Variants in CSMD1 observed in about 807,000 individuals in gnomAD.
CSMD1 encodes CUB and Sushi multiple domains 1, also known as CUB and sushi domain-containing protein 1.
A neutral mutation model predicts 417.5 loss-of-function variants in CSMD1; 213 were observed. The ratio of observed to expected loss-of-function variants is 0.51; its 90% CI spans 0.46 to 0.57. The LOEUF is 0.57. Among genes scored for constraint, CSMD1 ranks in the 20% least tolerant of loss-of-function variants. The pLI, the probability that CSMD1 is intolerant of heterozygous loss-of-function variation, is 0.00. For synonymous variants in CSMD1, 2,862 were observed against 1,736.8 expected (o/e 1.65, Z -16.11); for missense variants, 6,923 against 4,529.7 (o/e 1.53, Z -15.17).
intron 2 of CSMD1, among the ~76,000 whole-genome samples, chr8:4,486,392 A>G (rs1276797701): frequency 6.6e-6 from 1 of 150,582 alleles, no homozygotes; most frequent in Admixed American, 6.6e-5. Flanking sequence ...TCTCATTTTT[A>G]CTTCCAGGAA....
chr8:4,095,557 G>C (rs1277184459), intron 3 of CSMD1, among the ~76,000 whole-genome samples: 1 of 152,138 alleles, frequency 6.6e-6, no homozygotes, highest in Non-Finnish European at 1.5e-5. Context: ...TAAGGAACTG[G>C]GAATAAATGT....
rs141313885 is a variant in CSMD1 at position 4,475,588 on chromosome 8, T to C, written c.303-55523A>G. Among the ~76,000 whole-genome samples the C allele has an allele frequency of 7.2e-5, 11 of 152,188 alleles. No homozygotes were observed. The East Asian group carries it at 2.1e-3, about 29-fold the overall frequency. ...TAAATACCACCCAGGCACAACGTTC[T>C]TTTCTTAGGGTTTTTTTTCTTTTTC... On this transcript the variant is annotated intron_variant, in intron 2 of 69. Transcript: ENST00000635120.
chr8:4,468,224 TG>T (rs1800309758), intron 2 of CSMD1, among the ~76,000 whole-genome samples: 2 of 152,172 alleles, frequency 1.3e-5, no homozygotes, highest in Admixed American at 1.3e-4. Context: ...GGGGCATGCC[TG>T]GGGAAAGGAA....
intron 3 of CSMD1, among the ~76,000 whole-genome samples, chr8:4,060,350 C>A (rs2007315): frequency 0.88 from 134,655 of 152,188 alleles, 59,837 homozygotes; most frequent in Middle Eastern, 0.95. Flanking sequence ...CTGAATGGGC[C>A]AAAACTGGAA....
intron 1 of CSMD1, among the ~76,000 whole-genome samples, chr8:4,659,971 C>G (rs1301321827): frequency 6.6e-6 from 1 of 151,750 alleles, no homozygotes; most frequent in Non-Finnish European, 1.5e-5. Flanking sequence ...GAAGAATTTC[C>G]TCAAATTGGT....
At chr8:4,576,421 G>C (rs1456045535) in intron 2 of CSMD1, among the ~76,000 whole-genome samples, 2 of 152,178 alleles carry the variant, frequency 1.3e-5, no homozygotes, top group Non-Finnish European at 2.9e-5. Flanking sequence ...ACCTCTTCTT[G>C]CAAAATCCTC....
chr8:3,008,579 C>CT (rs1269219501), intron 52 of CSMD1, among the ~76,000 whole-genome samples: 1 of 152,134 alleles, frequency 6.6e-6, no homozygotes, highest in African/African-American at 2.4e-5. Flanking sequence ...AGAGTGAACA[C>CT]TCAGAAACTG....
At chr8:4,665,982 T>C (rs1804893048) in intron 1 of CSMD1, among the ~76,000 whole-genome samples, 1 of 152,180 alleles carries the variant, frequency 6.6e-6, no homozygotes, top group African/African-American at 2.4e-5. Flanking sequence ...GAATATGTAA[T>C]ATTGCATGAA....
chr8:3,393,904 G>T (rs1811505021), intron 17 of CSMD1, among the ~76,000 whole-genome samples: 1 of 149,254 alleles, frequency 6.7e-6, no homozygotes, highest in Non-Finnish European at 1.5e-5. Context: ...CGAGTTAATG[G>T]GTGCAGCACA....
intron 23 of CSMD1, among the ~76,000 whole-genome samples, chr8:3,313,541 G>C (rs965774870): frequency 6.6e-6 from 1 of 152,182 alleles, no homozygotes; most frequent in Non-Finnish European, 1.5e-5. Context: ...TCAGAGAAAT[G>C]CAAATCAAAA....
At chr8:3,282,155 T>A (rs1192419120) in intron 26 of CSMD1, among the ~76,000 whole-genome samples, 1 of 152,174 alleles carries the variant, frequency 6.6e-6, no homozygotes, top group Admixed American at 6.5e-5. Context: ...GAAGATGGAA[T>A]AATATACCCA....
At chr8:4,060,816 G>A (rs946989603) in intron 3 of CSMD1, among the ~76,000 whole-genome samples, 1 of 152,104 alleles carries the variant, frequency 6.6e-6, no homozygotes, top group African/African-American at 2.4e-5. Context: ...ATGGGGCAAG[G>A]ACTAAAATCA....
chr8:4,018,280 T>C (rs758475651), intron 4 of CSMD1, among the ~76,000 whole-genome samples: 11 of 152,078 alleles, frequency 7.2e-5, no homozygotes, highest in African/African-American at 1.2e-4. Context: ...TGAGAGTCTA[T>C]CTTTTGGGAT....
intron 2 of CSMD1, among the ~76,000 whole-genome samples, chr8:4,494,085 A>G (rs1801860407): frequency 1.3e-5 from 2 of 152,198 alleles, no homozygotes; most frequent in African/African-American, 2.4e-5. Flanking sequence ...GGACAACACA[A>G]GGCTTCCAAA....
intron 3 of CSMD1, among the ~76,000 whole-genome samples, chr8:4,186,226 A>C (rs1287398006): frequency 1.3e-5 from 2 of 152,128 alleles, no homozygotes; most frequent in Non-Finnish European, 2.9e-5. Context: ...CAGGACGGCC[A>C]AACTGTGTTG....
chr8:4,031,873 G>A (rs368567364), intron 4 of CSMD1, 32 bp downstream of exon 4: 57 of 1,554,676 alleles, frequency 3.7e-5, no homozygotes, highest in East Asian at 4.6e-5. Context: ...CTGCCCTGGA[G>A]TCTGCTCACC....
At chr8:3,073,091 G>T (rs1813422970) in intron 49 of CSMD1, among the ~76,000 whole-genome samples, 1 of 152,150 alleles carries the variant, frequency 6.6e-6, no homozygotes, top group Non-Finnish European at 1.5e-5. Context: ...TTAAAATGAT[G>T]CTAAAGTTCT....
At chr8:3,286,772 T>C (rs1206879109) in intron 25 of CSMD1, among the ~76,000 whole-genome samples, 3 of 152,186 alleles carry the variant, frequency 2.0e-5, no homozygotes, top group African/African-American at 4.8e-5. Flanking sequence ...ATTCTGTAGG[T>C]TGAGTGTTGA....
chr8:3,657,496 G>A lies in CSMD1; in HGVS notation c.1010-40699C>T, dbSNP rs937716035. On this transcript the variant is annotated intron_variant, in intron 7 of 69. Coordinates refer to ENST00000635120, the MANE Select transcript of CSMD1 (RefSeq NM_033225.6). Reference sequence around the variant, plus strand: ...TAAAGAAAATGTGTCACATATACACGATGGAATACTATGCAGCCATAAAAA... The same window carrying A: ...TAAAGAAAATGTGTCACATATACACAATGGAATACTATGCAGCCATAAAAA... Among the ~76,000 whole-genome samples the A allele has an allele frequency of 5.3e-5, 8 of 152,052 alleles. 1 individual carries two copies. The South Asian group carries it at 1.0e-3, about 20-fold the overall frequency.
Sources: allele counts gnomAD v4.1 joint callset (sites outside exome capture counted in the v4.1 genomes callset), GRCh38; gene constraint gnomAD v4.1.1; transcripts MANE v1.5; gene names NCBI Gene and HGNC (gene_info 2026-07-23, HGNC 2026-07-21).